The following DLG2 variants were observed in gnomAD, a reference collection of about 807,000 sequenced individuals.
DLG2 encodes the protein discs large MAGUK scaffold protein 2.
In DLG2, 45 loss-of-function variants were observed where a neutral mutation model predicts 132.5. The observed-to-expected ratio is 0.34, with a 90% confidence interval of 0.27 to 0.44. The LOEUF is 0.44. Ranked by LOEUF, DLG2 falls within the 20% of genes least tolerant of loss-of-function variation. DLG2 has a pLI of 1.00. For missense variants in DLG2, 1,045 were observed against 1,196.9 expected, an observed-to-expected ratio of 0.87 and a Z score of 1.87; for synonymous variants, 424 against 419.6, an observed-to-expected ratio of 1.01 and a Z score of -0.13.
chr11:85,525,198 G>A (rs1363212035), intron 3 of DLG2, among the ~76,000 whole-genome samples: 1 of 152,196 alleles, frequency 6.6e-6, no homozygotes, highest in African/African-American at 2.4e-5. Flanking sequence ...AGTAGATGCA[G>A]AGGAAGCATT....
chr11:83,463,346 C>T (rs910625219), intron 26 of DLG2, among the ~76,000 whole-genome samples: 3 of 151,914 alleles, frequency 2.0e-5, no homozygotes, highest in East Asian at 1.9e-4. Context: ...CTAAACTCAT[C>T]TTGTCCTGAG....
intron 4 of DLG2, among the ~76,000 whole-genome samples, chr11:85,180,851 G>A (rs1368412402): frequency 6.6e-6 from 1 of 151,600 alleles, no homozygotes; most frequent in Non-Finnish European, 1.5e-5. Flanking sequence ...TTTCTGTCTT[G>A]GATAAAGAAA....
chr11:85,542,503 CT>C (rs1362627898), intron 3 of DLG2, among the ~76,000 whole-genome samples: 1 of 152,164 alleles, frequency 6.6e-6, no homozygotes, highest in Non-Finnish European at 1.5e-5. Flanking sequence ...AAGGCTTCAT[CT>C]TTTAAAGTAT....
intron 6 of DLG2, among the ~76,000 whole-genome samples, chr11:84,561,340 C>A (rs7127761): frequency 0.31 from 47,679 of 151,940 alleles, 7,876 homozygotes; most frequent in South Asian, 0.47. Flanking sequence ...CTGTTACACC[C>A]TTTTGCCATC....
chr11:83,981,261 CCACCTTGT>C (rs1422497040), intron 11 of DLG2, among the ~76,000 whole-genome samples: 2 of 152,028 alleles, frequency 1.3e-5, no homozygotes, highest in Non-Finnish European at 2.9e-5. Flanking sequence ...TGTTCTCTTG[CCACCTTGT>C]CATATTTTAT....
chr11:85,007,126 T>A (rs1305975214), intron 6 of DLG2, among the ~76,000 whole-genome samples: 1 of 152,162 alleles, frequency 6.6e-6, no homozygotes. Context: ...AAATATAGTT[T>A]TTAGGGCCAG....
At chr11:83,526,602 C>T (rs2095615689) in intron 21 of DLG2, among the ~76,000 whole-genome samples, 2 of 152,284 alleles carry the variant, frequency 1.3e-5, no homozygotes, top group South Asian at 4.1e-4. Context: ...TCAACCTGGT[C>T]TGGTTGGTCA....
At chr11:83,788,480 C>G (rs553256204) in intron 17 of DLG2, among the ~76,000 whole-genome samples, 6 of 152,322 alleles carry the variant, frequency 3.9e-5, no homozygotes, top group South Asian at 4.1e-4. Flanking sequence ...AGGGAAGAGA[C>G]TGTTAGGCTA....
intron 19 of DLG2, among the ~76,000 whole-genome samples, chr11:83,578,172 T>C (rs2096914050): frequency 6.6e-6 from 1 of 150,436 alleles, no homozygotes; most frequent in Non-Finnish European, 1.5e-5. Context: ...ATGCGGTACA[T>C]GAAGTATTAT....
At chr11:83,632,050 A>G (rs2063656086) in intron 19 of DLG2, 1 of 152,190 alleles carries the variant, frequency 6.6e-6, no homozygotes, top group African/African-American at 2.4e-5. Context: ...GGCCAAATTC[A>G]TAGGGTTAAT....
At chr11:85,390,369 C>G (rs1445341797) in intron 3 of DLG2, among the ~76,000 whole-genome samples, 1 of 152,070 alleles carries the variant, frequency 6.6e-6, no homozygotes, top group African/African-American at 2.4e-5. Flanking sequence ...TACTACTAGA[C>G]CTAAGACCTA....
intron 7 of DLG2, among the ~76,000 whole-genome samples, chr11:84,408,065 C>T (rs1050547777): frequency 6.6e-6 from 1 of 151,950 alleles, no homozygotes; most frequent in African/African-American, 2.4e-5. Flanking sequence ...TTAATTTATC[C>T]CAGATAGAAC....
intron 7 of DLG2, among the ~76,000 whole-genome samples, chr11:84,445,597 T>A (rs2154479235): frequency 6.6e-6 from 1 of 152,288 alleles, no homozygotes; most frequent in Non-Finnish European, 1.5e-5. Context: ...TCATTCTGTT[T>A]CTTTAATCTG....
chr11:84,859,956 T>G (rs1456865855), intron 6 of DLG2, among the ~76,000 whole-genome samples: 3 of 152,124 alleles, frequency 2.0e-5, no homozygotes, highest in Non-Finnish European at 1.5e-5. Context: ...CAAAGCCTTC[T>G]GTATGCTTCC....
intron 18 of DLG2, among the ~76,000 whole-genome samples, chr11:83,744,847 TAA>T (rs1158194208): frequency 6.6e-6 from 1 of 152,210 alleles, no homozygotes; most frequent in Admixed American, 6.5e-5. Context: ...AAAACTGTGT[TAA>T]GTTAGCTGCC....
chr11:84,214,733 C>A lies in DLG2; in HGVS notation c.573+36505G>T, dbSNP rs144305080. ...TCAGTTTACAGTCCACTTCCACACC[C>A]TCTTGTTAAGCAGATTAACCAACTG... On this transcript the variant is annotated intron_variant, in intron 8 of 27. Coordinates refer to ENST00000376104, the MANE Select transcript of DLG2 (RefSeq NM_001142699.3). Among the ~76,000 whole-genome samples the A allele has an allele frequency of 1.9e-3, 284 of 152,224 alleles. 2 individuals are homozygous for A. The South Asian group carries it at 0.019, about 10-fold the overall frequency.
At chr11:84,297,203 A>G (rs1022787216) in intron 7 of DLG2, among the ~76,000 whole-genome samples, 2 of 152,080 alleles carry the variant, frequency 1.3e-5, no homozygotes, top group Non-Finnish European at 2.9e-5. Flanking sequence ...TGAATCAATC[A>G]GAAGTTTGGG....
At chr11:85,533,356 T>C (rs146558990) in intron 3 of DLG2, among the ~76,000 whole-genome samples, 11 of 151,766 alleles carry the variant, frequency 7.2e-5, no homozygotes, top group East Asian at 1.9e-4. Flanking sequence ...TTTTTTTAAC[T>C]GGCTAAGGTG....
At chr11:84,885,181 A>C (rs1018653092) in intron 6 of DLG2, among the ~76,000 whole-genome samples, 4 of 152,132 alleles carry the variant, frequency 2.6e-5, no homozygotes, top group Non-Finnish European at 5.9e-5. Flanking sequence ...GTACCCTGGC[A>C]AAGGTTGTTT....
Sources: allele counts gnomAD v4.1 joint callset (sites outside exome capture counted in the v4.1 genomes callset), GRCh38; gene constraint gnomAD v4.1.1; transcripts MANE v1.5; gene names NCBI Gene and HGNC (gene_info 2026-07-23, HGNC 2026-07-21).